Variants in CLSTN3 observed in about 807,000 individuals in gnomAD.
CLSTN3 encodes the protein calsyntenin 3.
Under a neutral mutation model 95.9 loss-of-function variants are expected in CLSTN3, and 36 were observed. The ratio of observed to expected loss-of-function variants is 0.38; its 90% confidence interval spans 0.29 to 0.50. The LOEUF (loss-of-function observed/expected upper bound fraction) is 0.50, where lower values mean the gene tolerates loss of function less well. CLSTN3 is among the 20% of genes least tolerant of loss of function. The pLI is 0.95. For missense variants in CLSTN3, 1,084 were observed against 1,268.8 expected (o/e 0.85, Z 2.21); for synonymous variants, 481 against 504.0 (o/e 0.95, Z 0.61).
intron 12 of CLSTN3, among the ~76,000 whole-genome samples, chr12:7,146,068 T>G (rs1428841824): frequency 6.6e-6 from 1 of 152,206 alleles, no homozygotes; most frequent in Non-Finnish European, 1.5e-5. Context: ...TGAGGCTAGG[T>G]GAGTGATCTT....
chr12:7,149,426 T>A lies in CLSTN3; in HGVS notation c.2075-97T>A, dbSNP rs1939683572. The A allele has an allele frequency of 2.5e-6, 3 of 1,212,290 alleles. No individual in the cohort carries two copies. The highest frequency in any genetic ancestry group is 3.5e-6 in the Non-Finnish European group (3 of 850,958). The allele number at this position is 1,212,290 out of a possible 1,614,324, so 75.1% of individuals were successfully genotyped here. ...ATGCTGACTTCCCTCTCCCTGGCCC[T>A]GGAAAGGGAGGGAGAGTGGTGATGA... On this transcript the variant is annotated intron_variant, in intron 13 of 17. Coordinates refer to ENST00000266546, the MANE Select transcript of CLSTN3 (RefSeq NM_014718.4). This position sits in a 1 kb window ranked among gnomAD's most constrained non-coding sequence, Gnocchi z 4.5.
chr12:7,130,660 GCTGCTGCCCCTT>G lies in CLSTN3; in HGVS notation c.19_30del (p.Pro7_Leu10del). 1 of 1,571,912 alleles carries G rather than the reference GCTGCTGCCCCTT, an allele frequency of 6.4e-7. No homozygotes were observed. Among genetic ancestry groups the G allele is most frequent in the South Asian group, 1.2e-5 (1 of 85,998 alleles). Reference sequence around the variant, plus strand: ...CCCCACGCCGCACCATGACCCTCCTGCTGCTGCCCCTTCTGCTGGCCTCTCTGCTCGCGTCCT... The same window carrying G: ...CCCCACGCCGCACCATGACCCTCCTGCTGCTGGCCTCTCTGCTCGCGTCCT... On this transcript the variant is annotated inframe_deletion, in exon 1 of 18. Coordinates refer to ENST00000266546, the MANE Select transcript of CLSTN3 (RefSeq NM_014718.4).
In CLSTN3 at chr12:7,138,058, G is replaced by C; in HGVS notation, c.1314G>C (p.Lys438Asn). The change falls in exon 8 of 18, where the codon AAG (lysine) becomes AAC (asparagine). Residue 438 changes from lysine (K) to asparagine (N), a missense_variant. Coordinates refer to ENST00000266546, the MANE Select transcript of CLSTN3 (RefSeq NM_014718.4). ...CCCGCCCAGTCAAGTTCCTCTGGAA[G>C]CTGGAGCAGGTGAGGCAAGAGCCAG... ...ESARPVKFLW[K>N]LEQVCDDEWH... is the part of the protein sequence containing the mutation. The C allele has an allele frequency of 6.2e-7, 1 of 1,613,618 alleles. No individual in the cohort carries two copies.
intron 8 of CLSTN3, among the ~76,000 whole-genome samples, 198 bp downstream of exon 8, chr12:7,138,265 T>G (rs1939464470): frequency 6.8e-6 from 1 of 147,588 alleles, no homozygotes; most frequent in Non-Finnish European, 1.5e-5. Context: ...AGAAAGCACT[T>G]CTGGATTTAA....
intron 6 of CLSTN3, 93 bp from the exon 7 acceptor site, chr12:7,136,735 CT>C: frequency 7.1e-7 from 1 of 1,413,340 alleles, no homozygotes; most frequent in South Asian, 1.2e-5. Context: ...TGTAGGAAAT[CT>C]TTTCCCATCA....
At chr12:7,146,560 G>A (rs930994306) in intron 12 of CLSTN3, among the ~76,000 whole-genome samples, 1 of 152,148 alleles carries the variant, frequency 6.6e-6, no homozygotes, top group African/African-American at 2.4e-5. Flanking sequence ...TCAAAGGCTA[G>A]CTCAGTTGCT....
At chr12:7,151,095 G>GGGCAGGT (rs775469610) in intron 16 of CLSTN3, 32 bp downstream of exon 16, 1 of 1,529,114 alleles carries the variant, frequency 6.5e-7, no homozygotes, top group Non-Finnish European at 8.8e-7. Flanking sequence ...GGGCAGGGAG[G>GGGCAGGT]GGCAGGTGGC....
At position 7,133,873 on chromosome 12, in the gene CLSTN3, CG is replaced by C; in HGVS notation, c.383+106del. ...CGGTCATCGAATATCCACCCCCACC[CG>C]CTGCTGTTCCTAGGACTTAGGGAGC... On this transcript the variant is annotated intron_variant, in intron 3 of 17. Transcript: ENST00000266546. The surrounding 1 kb of genome is among the most constrained non-coding windows in gnomAD (Gnocchi z 4.7). 1.1e-6 allele frequency: 1 copy of C among 932,180 alleles called. No individual in the cohort carries two copies. Among genetic ancestry groups the C allele is most frequent in the Non-Finnish European group, 1.6e-6 (1 of 627,218 alleles). 57.7% of individuals were successfully genotyped at this position (932,180 alleles called of 1,614,324 possible).
At position 7,148,913 on chromosome 12, in the gene CLSTN3, T is replaced by C. The variant is rs759908131; in HGVS notation, c.1848-59T>C. 15 of 1,432,108 alleles carry C rather than the reference T, an allele frequency of 1.0e-5. No individual in the cohort carries two copies. The African/African-American group carries it at 2.1e-4, about 20-fold the overall frequency. 88.7% of individuals were successfully genotyped at this position (1,432,108 alleles called of 1,614,324 possible). A position where few individuals can be genotyped will look rare whatever the true frequency, so the allele number is the denominator to read the frequency against. On this transcript the variant is annotated intron_variant, in intron 12 of 17. Transcript: ENST00000266546. ...CTGGGGCGGGGAGTGAAACAGAATGTGGGTTTTCGGGGAGGAAGTGTTGGG... is the reference window on the plus strand; with the variant it reads ...CTGGGGCGGGGAGTGAAACAGAATGCGGGTTTTCGGGGAGGAAGTGTTGGG...
rs1188332097 is a variant in CLSTN3 at position 7,150,195 on chromosome 12, T to A, written c.2246-349T>A. Among the ~76,000 whole-genome samples, 3 of 152,224 alleles carry A rather than the reference T, an allele frequency of 2.0e-5. No homozygotes were observed. The highest frequency in any genetic ancestry group is 2.1e-4 in the South Asian group (1 of 4,830). On this transcript the variant is annotated intron_variant, in intron 14 of 17. Coordinates refer to ENST00000266546, the MANE Select transcript of CLSTN3 (RefSeq NM_014718.4). This position sits in a 1 kb window ranked among gnomAD's most constrained non-coding sequence, Gnocchi z 4.0. ...ATAATCAGTTCCCTTCTATTTCCAC[T>A]CCTTTCCAGGGCTCACTGAGGACTT... is the stretch of plus-strand genomic sequence containing the variant.
chr12:7,145,377 G>T (rs567845999), intron 12 of CLSTN3, among the ~76,000 whole-genome samples: 10 of 151,476 alleles, frequency 6.6e-5, no homozygotes, highest in Admixed American at 5.9e-4. Flanking sequence ...GTGTGCGCGC[G>T]CATTTGTGTG....
intron 3 of CLSTN3, among the ~76,000 whole-genome samples, chr12:7,134,803 A>G (rs893456136): frequency 5.9e-5 from 9 of 152,210 alleles, no homozygotes; most frequent in Non-Finnish European, 5.9e-5. Flanking sequence ...CCTGACCCAT[A>G]GCATTTTGCA....
intron 4 of CLSTN3, 45 bp from the exon 5 acceptor site, chr12:7,135,759 C>T: frequency 1.9e-6 from 3 of 1,555,606 alleles, no homozygotes; most frequent in Non-Finnish European, 2.6e-6. Context: ...CTGCCCTGGG[C>T]TTTCTCCAAT....
chr12:7,157,420 C>T lies in CLSTN3; in HGVS notation c.2528-69C>T. ...AGCCCGGGCTGCCTCTTTTCCTACCCAGCCCCCTGTCCAAGTGCCCCCAGG... is the reference window on the plus strand; with the variant it reads ...AGCCCGGGCTGCCTCTTTTCCTACCTAGCCCCCTGTCCAAGTGCCCCCAGG... On this transcript the variant is annotated intron_variant, in intron 16 of 17. Transcript: ENST00000266546. The surrounding 1 kb of genome is among the most constrained non-coding windows in gnomAD (Gnocchi z 5.9). The T allele has an allele frequency of 7.1e-7, 1 of 1,402,892 alleles. No homozygotes were observed. The highest frequency in any genetic ancestry group is 1.5e-5 in the South Asian group (1 of 68,510). 86.9% of individuals were successfully genotyped at this position (1,402,892 alleles called of 1,614,324 possible). A position where few individuals can be genotyped will look rare whatever the true frequency, so the allele number is the denominator to read the frequency against.
chr12:7,154,780 A>G (rs1367511633), intron 16 of CLSTN3, among the ~76,000 whole-genome samples: 1 of 152,216 alleles, frequency 6.6e-6, no homozygotes, highest in East Asian at 1.9e-4. Flanking sequence ...AAAGAGTTAC[A>G]AAGCAATAGG....
At chr12:7,132,288 T>C (rs1939320368) in intron 1 of CLSTN3, 1 of 234,260 alleles carries the variant, frequency 4.3e-6, no homozygotes. Flanking sequence ...ATGTGTTCTC[T>C]TGGGTGTGGG....
At position 7,137,756 on chromosome 12, in the gene CLSTN3, A is replaced by ATG. The variant is rs35489298; in HGVS notation, c.1211-160_1211-159dup. Among the ~76,000 whole-genome samples, 2,754 of 76,044 alleles carry ATG rather than the reference A, an allele frequency of 0.036. 160 individuals are homozygous for ATG. The highest frequency in any genetic ancestry group is 0.096 in the African/African-American group (1,614 of 16,750). The allele number at this position is 76,044 out of a possible 152,430, so 49.9% of individuals were successfully genotyped here. ...AGCCCAAGTTATCACTTGGACTGGA[A>ATG]TGTGTGTGTGTGTGTGTGTGTGTGT... On this transcript the variant is annotated intron_variant, in intron 7 of 17. Coordinates refer to ENST00000266546, the MANE Select transcript of CLSTN3 (RefSeq NM_014718.4). The surrounding 1 kb of genome is among the most constrained non-coding windows in gnomAD (Gnocchi z 4.4).
rs1268789623 is a variant in CLSTN3 at position 7,151,088 on chromosome 12, C to A, written c.2527+25C>A. On this transcript the variant is annotated intron_variant, in intron 16 of 17. Transcript: ENST00000266546. ...AGTACGTAAGCCTGGTGGGGCTGGG[C>A]AGGGAGGGGCAGGTGGCAGGTGAGT... The A allele has an allele frequency of 3.9e-6, 6 of 1,533,772 alleles. No homozygotes were observed. The African/African-American group carries it at 4.1e-5, about 11-fold the overall frequency.
Position 7,130,532 on chromosome 12 carries a change from C to T in CLSTN3, c.-117C>T, listed in dbSNP as rs2135790507. ...GGCGGCAGGCTCCTTTCCGTCCCTG[C>T]CCTGCTGTACCCCGCTCCTTGGAGA... On this transcript the variant is annotated 5_prime_UTR_variant, in exon 1 of 18. Transcript: ENST00000266546. 6.5e-7 allele frequency: 1 copy of T among 1,543,356 alleles called. No individual in the cohort carries two copies. Among genetic ancestry groups the T allele is most frequent in the Non-Finnish European group, 8.7e-7 (1 of 1,146,458 alleles).
Sources: gnomAD v4.1 joint callset for allele counts (sites outside exome capture counted in the v4.1 genomes callset) on GRCh38, gnomAD v4.1.1 for gene constraint, Gnocchi (gnomAD v3.1) non-coding constraint, MANE v1.5 for transcripts, NCBI Gene and HGNC (gene_info 2026-07-23, HGNC 2026-07-21) for gene names.